SSBP2: variants seen among roughly 807,000 people sequenced by gnomAD.
The protein encoded by SSBP2 is single stranded DNA binding protein 2.
A neutral mutation model predicts 61.8 loss-of-function variants in SSBP2; 17 were observed. The observed-to-expected ratio is 0.28, with a 90% confidence interval of 0.19 to 0.41. The LOEUF (loss-of-function observed/expected upper bound fraction) is 0.41. Among genes scored for constraint, SSBP2 ranks in the 10% least tolerant of loss-of-function variants. SSBP2 has a pLI of 1.00. For missense variants in SSBP2, 310 were observed against 458.7 expected (o/e 0.68, Z 2.96); for synonymous variants, 139 against 141.3 (o/e 0.98, Z 0.12).
intron 1 of SSBP2, among the ~76,000 whole-genome samples, chr5:81,694,984 A>G (rs922305423): frequency 1.3e-5 from 2 of 152,198 alleles, no homozygotes; most frequent in African/African-American, 4.8e-5. Context: ...TGGGCAACAG[A>G]GCAAGACTCT....
At chr5:81,600,422 G>A (rs747026848) in intron 4 of SSBP2, among the ~76,000 whole-genome samples, 5 of 151,744 alleles carry the variant, frequency 3.3e-5, no homozygotes, top group South Asian at 2.1e-4. Context: ...TTAGCTGGGC[G>A]TGGTGGTGCA....
intron 1 of SSBP2, among the ~76,000 whole-genome samples, chr5:81,692,183 AC>A (rs1753259079): frequency 6.6e-6 from 1 of 152,220 alleles, no homozygotes. Context: ...AAACCAACAT[AC>A]AAAAATCAGA....
chr5:81,482,984 A>G (rs1313637430), intron 6 of SSBP2, among the ~76,000 whole-genome samples: 1 of 152,098 alleles, frequency 6.6e-6, no homozygotes, highest in Non-Finnish European at 1.5e-5. Context: ...AGTTGGCCCA[A>G]TTTCAATACT....
intron 5 of SSBP2, among the ~76,000 whole-genome samples, chr5:81,507,633 G>T (rs1230095692): frequency 6.6e-6 from 1 of 152,056 alleles, no homozygotes; most frequent in East Asian, 1.9e-4. Context: ...TTGGTTATTA[G>T]AGTGATAAGG....
chr5:81,438,208 G>A (rs906694670), intron 14 of SSBP2, among the ~76,000 whole-genome samples: 6 of 151,728 alleles, frequency 4.0e-5, no homozygotes, highest in African/African-American at 1.2e-4. Flanking sequence ...AAAATTAGCC[G>A]GGCATGGTGG....
chr5:81,650,417 C>T, intron 1 of SSBP2, 78 bp from the exon 2 acceptor site: 1 of 1,013,484 alleles, frequency 9.9e-7, no homozygotes, highest in Non-Finnish European at 1.4e-6. Context: ...CTTTCCATTG[C>T]TGAAATATCT....
intron 1 of SSBP2, among the ~76,000 whole-genome samples, chr5:81,667,323 A>ACACACG (rs2153771701): frequency 6.6e-6 from 1 of 150,774 alleles, no homozygotes; most frequent in Admixed American, 6.7e-5. Context: ...ACACACACAC[A>ACACACG]CACACACACG....
chr5:81,734,276 A>G (rs1477227495), intron 1 of SSBP2, among the ~76,000 whole-genome samples: 2 of 152,232 alleles, frequency 1.3e-5, no homozygotes, highest in South Asian at 2.1e-4. Flanking sequence ...AAAAAATGTG[A>G]TAAGTAAAAT....
chr5:81,638,829 A>T (rs1005878156), intron 2 of SSBP2, among the ~76,000 whole-genome samples: 7 of 152,230 alleles, frequency 4.6e-5, no homozygotes, highest in African/African-American at 1.7e-4. Flanking sequence ...CTCCTAGCAT[A>T]AATGGAAAAA....
chr5:81,472,314 A>G (rs1382943436), intron 8 of SSBP2, among the ~76,000 whole-genome samples: 1 of 152,210 alleles, frequency 6.6e-6, no homozygotes, highest in African/African-American at 2.4e-5. Flanking sequence ...ATCCTGGAAC[A>G]GCACTCTTAA....
chr5:81,697,132 TTATCTACCC>T (rs1256643878), intron 1 of SSBP2, among the ~76,000 whole-genome samples: 1 of 152,270 alleles, frequency 6.6e-6, no homozygotes, highest in Non-Finnish European at 1.5e-5. Flanking sequence ...GCCAAAGATG[TTATCTACCC>T]AAGACAGGCT....
At chr5:81,672,125 A>G (rs1751621609) in intron 1 of SSBP2, among the ~76,000 whole-genome samples, 1 of 152,180 alleles carries the variant, frequency 6.6e-6, no homozygotes, top group Non-Finnish European at 1.5e-5. Context: ...ACTTATATTT[A>G]TAGTGTTTTA....
chr5:81,673,155 C>T (rs1174449971), intron 1 of SSBP2, among the ~76,000 whole-genome samples: 2 of 152,098 alleles, frequency 1.3e-5, no homozygotes, highest in Non-Finnish European at 1.5e-5. Context: ...TATTTACTTT[C>T]TAATCACTTG....
At chr5:81,724,257 TTA>T (rs1297919400) in intron 1 of SSBP2, among the ~76,000 whole-genome samples, 3 of 152,030 alleles carry the variant, frequency 2.0e-5, no homozygotes, top group African/African-American at 7.2e-5. Context: ...CTTTAAAACA[TTA>T]TGTCATCCCA....
intron 16 of SSBP2, among the ~76,000 whole-genome samples, chr5:81,421,695 G>C (rs538201499): frequency 5.3e-5 from 8 of 152,216 alleles, no homozygotes; most frequent in Non-Finnish European, 7.4e-5. Context: ...CATATTCTTG[G>C]AGAATAGACT....
At chr5:81,601,440 A>C (rs1467082292) in intron 4 of SSBP2, among the ~76,000 whole-genome samples, 1 of 152,162 alleles carries the variant, frequency 6.6e-6, no homozygotes, top group African/African-American at 2.4e-5. Flanking sequence ...CACACACACA[A>C]GTACAAGTAA....
chr5:81,673,369 T>C (rs1325157500), intron 1 of SSBP2, among the ~76,000 whole-genome samples: 6 of 152,108 alleles, frequency 3.9e-5, no homozygotes, highest in Admixed American at 3.9e-4. Flanking sequence ...CCCAAAAGAA[T>C]AGGGAACTCT....
chr5:81,556,127 T>C (rs4392600), intron 4 of SSBP2, among the ~76,000 whole-genome samples: 70,311 of 151,898 alleles, frequency 0.46, 20,928 homozygotes, highest in African/African-American at 0.85. Context: ...TAAAGAGATA[T>C]TGCATATCAT....
intron 1 of SSBP2, among the ~76,000 whole-genome samples, chr5:81,713,629 C>G (rs1485902427): frequency 6.6e-6 from 1 of 152,100 alleles, no homozygotes; most frequent in African/African-American, 2.4e-5. Flanking sequence ...TAAACAGAAA[C>G]CCGTAAGTCT....
Sources: gnomAD v4.1 joint callset for allele counts (sites outside exome capture counted in the v4.1 genomes callset) on GRCh38, gnomAD v4.1.1 for gene constraint, MANE v1.5 for transcripts, NCBI Gene and HGNC (gene_info 2026-07-23, HGNC 2026-07-21) for gene names.